TC2N: variants seen among roughly 807,000 people sequenced by gnomAD.
The protein encoded by TC2N is tandem C2 domains, nuclear.
Under a neutral mutation model 61.9 loss-of-function variants are expected in TC2N, and 51 were observed. That is an observed-to-expected ratio of 0.82 (90% CI 0.66 to 1.04). TC2N has a LOEUF of 1.04. TC2N is among the 50% of genes least tolerant of loss of function. The pLI is 0.00. For missense variants in TC2N, 556 were observed against 566.7 expected (o/e 0.98, Z 0.19); for synonymous variants, 204 against 192.6 (o/e 1.06, Z -0.49).
rs531664490 is a variant in TC2N, at chr14:91,802,638, A to G, written c.302-217T>C. 2.0e-5 allele frequency among the ~76,000 whole-genome samples: 3 copies of G among 152,218 alleles called. No individual in the cohort carries two copies. The South Asian group carries it at 6.2e-4, about 32-fold the overall frequency. On this transcript the variant is annotated intron_variant, in intron 3 of 11. Coordinates refer to ENST00000435962, the MANE Select transcript of TC2N (RefSeq NM_001128596.3). ...AAGCCTGCATTTAAGACAGTCTGGTATATTTCTGGCATTTTTCTTTGCCCC... is the reference window on the plus strand; with the variant it reads ...AAGCCTGCATTTAAGACAGTCTGGTGTATTTCTGGCATTTTTCTTTGCCCC...
At chr14:91,824,491 G>A (rs1375995962) in intron 1 of TC2N, among the ~76,000 whole-genome samples, 2 of 152,160 alleles carry the variant, frequency 1.3e-5, no homozygotes, top group Non-Finnish European at 2.9e-5. Flanking sequence ...CCACTATCCA[G>A]CTAATTAACT....
At chr14:91,821,031 T>C (rs1158641897) in intron 1 of TC2N, among the ~76,000 whole-genome samples, 1 of 152,036 alleles carries the variant, frequency 6.6e-6, no homozygotes, top group Non-Finnish European at 1.5e-5. Context: ...ATTATTAATA[T>C]TGCTAAGGTG....
intron 1 of TC2N, among the ~76,000 whole-genome samples, chr14:91,828,873 A>G (rs1887618961): frequency 6.6e-6 from 1 of 151,850 alleles, no homozygotes; most frequent in South Asian, 2.1e-4. Flanking sequence ...TTATTTTTTA[A>G]CAGTGTTAGC....
rs1165030291 is a variant in TC2N at position 91,783,222 on chromosome 14, A to G, written c.1363-12T>C. ...TCACTTATCCAAATCTGTAAAGGAA[A>G]GTATGTACAATCATTTAACTTGACA... On this transcript the variant is annotated splice_polypyrimidine_tract_variant and intron_variant, in intron 11 of 11. Transcript: ENST00000435962. The G allele has an allele frequency of 6.9e-6, 10 of 1,441,090 alleles. No homozygotes were observed. The highest frequency in any genetic ancestry group is 6.9e-5 in the East Asian group (3 of 43,648). 89.3% of individuals were successfully genotyped at this position (1,441,090 alleles called of 1,614,324 possible). A position where few individuals can be genotyped will look rare whatever the true frequency, so the allele number is the denominator to read the frequency against.
chr14:91,843,429 C>A (rs11846745), intron 1 of TC2N, among the ~76,000 whole-genome samples: 52 of 152,244 alleles, frequency 3.4e-4, no homozygotes, highest in African/African-American at 1.2e-3. Flanking sequence ...TTCAGTTTCT[C>A]ACCCTCAATA....
chr14:91,804,457 AATAG>A (rs1004622947), intron 3 of TC2N, among the ~76,000 whole-genome samples: 1 of 152,160 alleles, frequency 6.6e-6, no homozygotes, highest in African/African-American at 2.4e-5. Flanking sequence ...TCAACAGTAA[AATAG>A]ATATAGTATA....
chr14:91,806,685 TCA>T (rs1886521188), intron 3 of TC2N, among the ~76,000 whole-genome samples: 1 of 151,982 alleles, frequency 6.6e-6, no homozygotes, highest in Non-Finnish European at 1.5e-5. Flanking sequence ...TTAAAAGCAT[TCA>T]GTTTTAAAAG....
chr14:91,858,321 A>G (rs1418132010), intron 1 of TC2N, among the ~76,000 whole-genome samples: 1 of 151,948 alleles, frequency 6.6e-6, no homozygotes, highest in African/African-American at 2.4e-5. Flanking sequence ...TTGAGTAAAT[A>G]CAGGATTCAG....
Position 91,830,059 on chromosome 14 carries a change from C to T in TC2N, c.-56-16234G>A, listed in dbSNP as rs553969131. Among the ~76,000 whole-genome samples, 117 of 152,206 alleles carry T rather than the reference C, an allele frequency of 7.7e-4. 1 individual carries two copies. The highest frequency in any genetic ancestry group is 3.4e-3 in the Middle Eastern group (1 of 294). Reference sequence around the variant, plus strand: ...AGACAAAAAATAAGTGTTGGTGTGGCTGTAGAGAAACTGGAACCCTCATAA... The same window carrying T: ...AGACAAAAAATAAGTGTTGGTGTGGTTGTAGAGAAACTGGAACCCTCATAA... On this transcript the variant is annotated intron_variant, in intron 1 of 11. Transcript: ENST00000435962.
chr14:91,821,626 T>C (rs1595255412), intron 1 of TC2N, among the ~76,000 whole-genome samples: 1 of 151,948 alleles, frequency 6.6e-6, no homozygotes, highest in African/African-American at 2.4e-5. Context: ...AAAGCACACA[T>C]GATCAAAGAA....
At chr14:91,849,194 G>A (rs1234074186) in intron 1 of TC2N, among the ~76,000 whole-genome samples, 8 of 152,220 alleles carry the variant, frequency 5.3e-5, no homozygotes, top group South Asian at 2.1e-4. Context: ...CCAAAGTTGC[G>A]TGGCTGCTGT....
At chr14:91,798,637 A>T (rs1318535490) in intron 6 of TC2N, among the ~76,000 whole-genome samples, 1 of 152,000 alleles carries the variant, frequency 6.6e-6, no homozygotes, top group Non-Finnish European at 1.5e-5. Flanking sequence ...GCAGTGAGGG[A>T]TTTAAATTAA....
chr14:91,797,079 T>A (rs1885934276), intron 8 of TC2N, among the ~76,000 whole-genome samples: 1 of 152,064 alleles, frequency 6.6e-6, no homozygotes, highest in Non-Finnish European at 1.5e-5. Context: ...CAAGATAATT[T>A]CTAAGAAGTT....
At chr14:91,802,227 G>A (rs764656025) in intron 4 of TC2N, 27 bp downstream of exon 4, 3 of 1,494,840 alleles carry the variant, frequency 2.0e-6, no homozygotes, top group African/African-American at 1.5e-5. Flanking sequence ...GAAACACAGA[G>A]AGGAAAAGCA....
At chr14:91,798,849 GT>G in intron 6 of TC2N, 139 bp downstream of exon 6, 1 of 589,098 alleles carries the variant, frequency 1.7e-6, no homozygotes, top group Non-Finnish European at 2.9e-6. Context: ...TACCAACATA[GT>G]TTTATTTAGA....
intron 1 of TC2N, among the ~76,000 whole-genome samples, chr14:91,821,550 G>A (rs1446358705): frequency 6.6e-6 from 1 of 151,790 alleles, no homozygotes; most frequent in Non-Finnish European, 1.5e-5. Flanking sequence ...AAAACTCTTA[G>A]AAGAAAACAT....
intron 1 of TC2N, among the ~76,000 whole-genome samples, chr14:91,819,323 C>A (rs544818371): frequency 4.9e-4 from 74 of 152,048 alleles, no homozygotes; most frequent in Middle Eastern, 3.4e-3. Context: ...CAGAGAGACT[C>A]TGTCTCAAAA....
chr14:91,865,096 C>T (rs1386778083), intron 1 of TC2N, among the ~76,000 whole-genome samples: 1 of 152,114 alleles, frequency 6.6e-6, no homozygotes, highest in Non-Finnish European at 1.5e-5. Context: ...TACATTATTG[C>T]TCAAGAATAT....
chr14:91,799,539 T>C (rs1392298286), intron 5 of TC2N, among the ~76,000 whole-genome samples: 1 of 152,108 alleles, frequency 6.6e-6, no homozygotes, highest in Non-Finnish European at 1.5e-5. Flanking sequence ...AAGCCTGTCA[T>C]CCTGTGTTTT....
Sources: allele counts gnomAD v4.1 joint callset (sites outside exome capture counted in the v4.1 genomes callset), GRCh38; gene constraint gnomAD v4.1.1; transcripts MANE v1.5; gene names NCBI Gene and HGNC (gene_info 2026-07-23, HGNC 2026-07-21).